Variants in RXFP1 observed in about 807,000 individuals in gnomAD.
The protein encoded by RXFP1 is relaxin family peptide receptor 1.
RXFP1 carries 73 observed loss-of-function variants against 89.8 expected under a neutral mutation model. The observed-to-expected ratio is 0.81, with a 90% CI of 0.67 to 0.99. RXFP1 has a LOEUF of 0.99. Ranked by LOEUF, RXFP1 falls within the 50% of genes least tolerant of loss-of-function variation. The probability of loss-of-function intolerance (pLI) is 0.00; values close to 1 mark genes in which losing one functional copy is unlikely to be tolerated. For missense variants in RXFP1, 793 were observed against 895.5 expected, an observed-to-expected ratio of 0.89 and a Z score of 1.46; for synonymous variants, 277 against 305.5, an observed-to-expected ratio of 0.91 and a Z score of 0.97.
intron 1 of RXFP1, among the ~76,000 whole-genome samples, chr4:158,552,903 G>C (rs550674523): frequency 3.9e-5 from 6 of 152,176 alleles, no homozygotes; most frequent in African/African-American, 1.2e-4. Flanking sequence ...TATATCAGAT[G>C]GCTAGGTGCT....
chr4:158,570,950 C>A (rs1472346917), intron 1 of RXFP1, among the ~76,000 whole-genome samples: 2 of 152,104 alleles, frequency 1.3e-5, no homozygotes, highest in African/African-American at 4.8e-5. Context: ...ACTTTAACTA[C>A]CACCACCACT....
chr4:158,553,929 C>T (rs1310269628), intron 1 of RXFP1, among the ~76,000 whole-genome samples: 7 of 152,134 alleles, frequency 4.6e-5, no homozygotes, highest in Admixed American at 3.9e-4. Flanking sequence ...ACTGATTATT[C>T]GCCAATGCTT....
chr4:158,562,386 T>C (rs1252109320), intron 1 of RXFP1, among the ~76,000 whole-genome samples: 3 of 148,940 alleles, frequency 2.0e-5, no homozygotes, highest in Non-Finnish European at 4.5e-5. Flanking sequence ...TAGCCGGGCG[T>C]AGTGGCGGGC....
chr4:158,531,919 TTTTGTTTGTTTG>T (rs201039668), intron 1 of RXFP1, among the ~76,000 whole-genome samples: 10 of 58,718 alleles, frequency 1.7e-4, no homozygotes, highest in Non-Finnish European at 4.7e-4. Flanking sequence ...GGTTTGGGTA[TTTTGTTTGTTTG>T]TTTGTTTGTT....
At chr4:158,582,627 G>A (rs1757595781) in intron 2 of RXFP1, among the ~76,000 whole-genome samples, 1 of 152,152 alleles carries the variant, frequency 6.6e-6, no homozygotes, top group South Asian at 2.1e-4. Flanking sequence ...CTCATATTTA[G>A]GTCCATCTGC....
Position 158,608,279 on chromosome 4 carries a change from C to CTTT in RXFP1, c.536+262_536+264dup, listed in dbSNP as rs756131500. ...GATCTTGAGCAATTTGTATTCCTTT[C>CTTT]TTTTTTTTTTTTTTTTTTTTTTTTT... On this transcript the variant is annotated intron_variant, in intron 6 of 17. Coordinates refer to ENST00000307765, the MANE Select transcript of RXFP1 (RefSeq NM_021634.4). Among the ~76,000 whole-genome samples, 590 of 76,108 alleles carry CTTT rather than the reference C, an allele frequency of 7.8e-3. 86 individuals carry two copies. Among genetic ancestry groups the CTTT allele is most frequent in the African/African-American group, 0.014 (207 of 15,298 alleles). 49.9% of individuals were successfully genotyped at this position (76,108 alleles called of 152,430 possible).
In RXFP1 at chr4:158,636,201, A is replaced by C. The variant is rs192431305; in HGVS notation, c.972-1807A>C. Among the ~76,000 whole-genome samples the C allele has an allele frequency of 2.4e-3, 370 of 152,240 alleles. 1 individual carries two copies. The highest frequency in any genetic ancestry group is 4.7e-3 in the Non-Finnish European group (317 of 68,006). The stretch of plus-strand genomic sequence containing the variant: ...AGCCCAGGAGTTTGAGTACAGCCTG[A>C]GCAACATAGCAAGTCCCCATCTCTA... On this transcript the variant is annotated intron_variant, in intron 12 of 17. Coordinates refer to ENST00000307765, the MANE Select transcript of RXFP1 (RefSeq NM_021634.4).
At chr4:158,570,584 C>G (rs1321183086) in intron 1 of RXFP1, among the ~76,000 whole-genome samples, 2 of 152,058 alleles carry the variant, frequency 1.3e-5, no homozygotes, top group Non-Finnish European at 2.9e-5. Context: ...TCTCCACTGG[C>G]GCCATTCTAG....
intron 2 of RXFP1, among the ~76,000 whole-genome samples, chr4:158,586,647 C>A (rs1276671869): frequency 1.3e-5 from 2 of 152,168 alleles, no homozygotes; most frequent in African/African-American, 4.8e-5. Context: ...TGCTAACTCT[C>A]CAACTTTGCA....
intron 1 of RXFP1, among the ~76,000 whole-genome samples, chr4:158,522,398 A>G (rs1352579042): frequency 1.3e-5 from 2 of 152,238 alleles, no homozygotes; most frequent in East Asian, 1.9e-4. Flanking sequence ...CAGTTTCTGT[A>G]TAGTTGTAAT....
chr4:158,634,363 G>A (rs1240247633), intron 12 of RXFP1, among the ~76,000 whole-genome samples: 1 of 151,912 alleles, frequency 6.6e-6, no homozygotes, highest in Non-Finnish European at 1.5e-5. Flanking sequence ...TTTTTCAATT[G>A]GATTGTTCAG....
intron 16 of RXFP1, 60 bp downstream of exon 16, chr4:158,647,261 T>G: frequency 1.5e-6 from 2 of 1,365,178 alleles, no homozygotes; most frequent in South Asian, 2.9e-5. Context: ...AACCAGTTTT[T>G]GTTAGTAAGA....
At chr4:158,537,311 C>G (rs1235578130) in intron 1 of RXFP1, among the ~76,000 whole-genome samples, 3 of 152,082 alleles carry the variant, frequency 2.0e-5, no homozygotes, top group Non-Finnish European at 4.4e-5. Flanking sequence ...TCCTTTCATC[C>G]TTTCCTTCCC....
At chr4:158,576,211 T>C (rs1427971301) in intron 2 of RXFP1, among the ~76,000 whole-genome samples, 1 of 152,146 alleles carries the variant, frequency 6.6e-6, no homozygotes, top group African/African-American at 2.4e-5. Context: ...GACCACTGGA[T>C]CTCCAAAAGT....
intron 1 of RXFP1, among the ~76,000 whole-genome samples, chr4:158,528,310 G>C (rs868193663): frequency 4.0e-5 from 6 of 151,226 alleles, no homozygotes; most frequent in Non-Finnish European, 5.9e-5. Context: ...GACCAGCCTG[G>C]GGGGGCAACA....
intron 1 of RXFP1, among the ~76,000 whole-genome samples, chr4:158,551,524 G>A (rs746985260): frequency 1.4e-5 from 2 of 144,458 alleles, no homozygotes; most frequent in Non-Finnish European, 3.0e-5. Flanking sequence ...AAAAATGCTA[G>A]CATATAAGAT....
rs1407954971 is a variant in RXFP1, at chr4:158,544,699, T to C, written c.49+22674T>C. Among the ~76,000 whole-genome samples the C allele has an allele frequency of 3.3e-5, 5 of 152,208 alleles. No homozygotes were observed. The East Asian group carries it at 9.7e-4, about 29-fold the overall frequency. On this transcript the variant is annotated intron_variant, in intron 1 of 17. Coordinates refer to ENST00000307765, the MANE Select transcript of RXFP1 (RefSeq NM_021634.4). ...ACCTATGAGTGAGAACATGAGGTGT[T>C]TGGTTTTTTGTCCTTGCAATAGTTT...
At chr4:158,535,107 A>G (rs1744991782) in intron 1 of RXFP1, among the ~76,000 whole-genome samples, 1 of 152,054 alleles carries the variant, frequency 6.6e-6, no homozygotes, top group South Asian at 2.1e-4. Context: ...ACCCTGTTTT[A>G]TTTCCCAGGG....
At chr4:158,625,499 A>C (rs2150178537) in intron 9 of RXFP1, among the ~76,000 whole-genome samples, 1 of 152,138 alleles carries the variant, frequency 6.6e-6, no homozygotes, top group South Asian at 2.1e-4. Context: ...AACATAGAAA[A>C]CCCCTGATAT....
Sources: gnomAD v4.1 joint callset for allele counts (sites outside exome capture counted in the v4.1 genomes callset) on GRCh38, gnomAD v4.1.1 for gene constraint, MANE v1.5 for transcripts, NCBI Gene and HGNC (gene_info 2026-07-23, HGNC 2026-07-21) for gene names.